The following GALNTL6 variants were observed in gnomAD, a reference collection of about 807,000 sequenced individuals.
GALNTL6 encodes the protein polypeptide N-acetylgalactosaminyltransferase like 6.
GALNTL6 carries 46 observed loss-of-function variants against 73.7 expected under a neutral mutation model. That is an observed-to-expected ratio of 0.62 (90% CI 0.49 to 0.80). GALNTL6 has a LOEUF of 0.80. GALNTL6 is among the 30% of genes least tolerant of loss of function. The pLI, the probability that GALNTL6 is intolerant of heterozygous loss-of-function variation, is 0.00. For synonymous variants in GALNTL6, 259 were observed against 263.7 expected, an observed-to-expected ratio of 0.98 and a Z score of 0.17; for missense variants, 604 against 755.0, an observed-to-expected ratio of 0.80 and a Z score of 2.34.
chr4:172,676,370 T>C (rs1195520340), intron 5 of GALNTL6, among the ~76,000 whole-genome samples: 1 of 152,186 alleles, frequency 6.6e-6, no homozygotes, highest in African/African-American at 2.4e-5. Flanking sequence ...GGAGAAAAAT[T>C]CGTGAAGCAA....
chr4:171,987,165 A>T (rs1740121848), intron 2 of GALNTL6, among the ~76,000 whole-genome samples: 1 of 152,148 alleles, frequency 6.6e-6, no homozygotes, highest in East Asian at 1.9e-4. Flanking sequence ...CTGACTTCTG[A>T]GAAGGGAAAG....
chr4:172,233,584 T>G (rs1429637038), intron 3 of GALNTL6, among the ~76,000 whole-genome samples: 1 of 152,146 alleles, frequency 6.6e-6, no homozygotes, highest in Non-Finnish European at 1.5e-5. Flanking sequence ...TCCATATTTA[T>G]GTGTTCTTTT....
chr4:171,905,412 G>A (rs1398044720), intron 2 of GALNTL6, among the ~76,000 whole-genome samples: 3 of 152,052 alleles, frequency 2.0e-5, no homozygotes, highest in Non-Finnish European at 2.9e-5. Flanking sequence ...TTATATAATG[G>A]TAAAGGGATC....
rs1447498195 is a variant in GALNTL6, at chr4:172,330,110, C to G, written c.386+18358C>G. Among the ~76,000 whole-genome samples the G allele has an allele frequency of 2.0e-5, 3 of 152,226 alleles. No individual in the cohort carries two copies. The East Asian group carries it at 5.8e-4, about 29-fold the overall frequency. On this transcript the variant is annotated intron_variant, in intron 4 of 12. Transcript: ENST00000506823. ...GGATCTGCAGACCATTACTGCTCAA[C>G]CCCGAGGATTCATCCCCTTTTCTAG...
At chr4:172,311,809 G>A (rs1018248670) in intron 4 of GALNTL6, 57 bp downstream of exon 4, 64 of 1,295,394 alleles carry the variant, frequency 4.9e-5, no homozygotes, top group Non-Finnish European at 6.3e-5. Flanking sequence ...TTTGTCCTTT[G>A]ATTTTTTTTT....
intron 8 of GALNTL6, among the ~76,000 whole-genome samples, chr4:172,888,077 C>T (rs1383311830): frequency 6.6e-6 from 1 of 152,024 alleles, no homozygotes; most frequent in African/African-American, 2.4e-5. Flanking sequence ...CTTATGGATT[C>T]GAGATATTAG....
At chr4:172,263,138 G>A (rs1419278218) in intron 3 of GALNTL6, among the ~76,000 whole-genome samples, 1 of 151,258 alleles carries the variant, frequency 6.6e-6, no homozygotes, top group African/African-American at 2.4e-5. Context: ...GCCGTTCTTT[G>A]AGCTTCTTTT....
At chr4:171,929,452 A>G (rs1431321282) in intron 2 of GALNTL6, among the ~76,000 whole-genome samples, 1 of 152,184 alleles carries the variant, frequency 6.6e-6, no homozygotes, top group Non-Finnish European at 1.5e-5. Context: ...AGGGCCAACT[A>G]GACTTGCCTG....
chr4:172,908,083 A>C (rs945935856), intron 8 of GALNTL6, among the ~76,000 whole-genome samples: 1 of 152,220 alleles, frequency 6.6e-6, no homozygotes, highest in African/African-American at 2.4e-5. Context: ...GCTAGCATGG[A>C]AATGCTGGGC....
At chr4:172,181,411 A>G (rs958131886) in intron 2 of GALNTL6, among the ~76,000 whole-genome samples, 1 of 152,186 alleles carries the variant, frequency 6.6e-6, no homozygotes, top group South Asian at 2.1e-4. Context: ...ACAAAATTCA[A>G]CATCCCTTCA....
chr4:172,913,151 G>T (rs1179538447), intron 8 of GALNTL6, among the ~76,000 whole-genome samples: 1 of 152,182 alleles, frequency 6.6e-6, no homozygotes, highest in East Asian at 1.9e-4. Context: ...GCAGCTAAGG[G>T]TCCTGACTGT....
chr4:172,277,219 A>G (rs974538866), intron 3 of GALNTL6, among the ~76,000 whole-genome samples: 11 of 152,140 alleles, frequency 7.2e-5, no homozygotes, highest in Non-Finnish European at 1.3e-4. Context: ...GGAGTGGAAG[A>G]AGAACGTGGA....
At chr4:172,026,788 C>CAGA (rs1741600137) in intron 2 of GALNTL6, among the ~76,000 whole-genome samples, 1 of 152,122 alleles carries the variant, frequency 6.6e-6, no homozygotes, top group Non-Finnish European at 1.5e-5. Flanking sequence ...ACATTTTATG[C>CAGA]AGAAGGCACA....
chr4:171,887,349 C>A (rs778059208), intron 2 of GALNTL6, among the ~76,000 whole-genome samples: 1 of 152,042 alleles, frequency 6.6e-6, no homozygotes, highest in Non-Finnish European at 1.5e-5. Context: ...TAGATTGATG[C>A]TATAGGTAAT....
intron 5 of GALNTL6, among the ~76,000 whole-genome samples, chr4:172,462,198 G>GC (rs34828943): frequency 0.14 from 22,033 of 152,168 alleles, 1,845 homozygotes; most frequent in Non-Finnish European, 0.2. Flanking sequence ...CTTGCAGACA[G>GC]CAGATATTGG....
At chr4:172,709,778 T>A (rs1734581176) in intron 5 of GALNTL6, among the ~76,000 whole-genome samples, 2 of 151,958 alleles carry the variant, frequency 1.3e-5, no homozygotes, top group South Asian at 2.1e-4. Context: ...TGTTAAAAAA[T>A]TGAGACAATA....
At chr4:172,878,545 A>G (rs1263873528) in intron 7 of GALNTL6, among the ~76,000 whole-genome samples, 2 of 151,874 alleles carry the variant, frequency 1.3e-5, no homozygotes, top group African/African-American at 4.8e-5. Flanking sequence ...GTGAAGTGAC[A>G]TAATATCGCA....
intron 2 of GALNTL6, among the ~76,000 whole-genome samples, chr4:172,071,916 G>A (rs917849462): frequency 7.2e-5 from 11 of 152,122 alleles, no homozygotes; most frequent in African/African-American, 2.7e-4. Context: ...TCTTTGCTTG[G>A]GCTTAGGAAA....
At chr4:172,746,238 A>C (rs1737102556) in intron 5 of GALNTL6, among the ~76,000 whole-genome samples, 1 of 152,122 alleles carries the variant, frequency 6.6e-6, no homozygotes, top group Admixed American at 6.6e-5. Context: ...GGATAATAAA[A>C]ATCTACCACA....
Sources: allele counts gnomAD v4.1 joint callset (sites outside exome capture counted in the v4.1 genomes callset), GRCh38; gene constraint gnomAD v4.1.1; transcripts MANE v1.5; gene names NCBI Gene and HGNC (gene_info 2026-07-23, HGNC 2026-07-21).